Variants in LRRC56 observed in about 807,000 individuals in gnomAD.
LRRC56 encodes the protein leucine-rich repeat-containing protein 56.
In LRRC56, 41 loss-of-function variants were observed where a neutral mutation model predicts 47.8. That is an observed-to-expected ratio of 0.86 (90% CI 0.67 to 1.11). The LOEUF (loss-of-function observed/expected upper bound fraction) is 1.11. Ranked by LOEUF, LRRC56 falls within the 50% of genes most tolerant of loss-of-function variation. LRRC56 has a pLI of 0.00. For synonymous variants in LRRC56, 387 were observed against 311.2 expected, an observed-to-expected ratio of 1.24 and a Z score of -2.56; for missense variants, 759 against 704.2, an observed-to-expected ratio of 1.08 and a Z score of -0.88.
At chr11:535,788 G>C (rs564168915), upstream of LRRC56, among the ~76,000 whole-genome samples, 1 of 152,210 alleles carries the variant, frequency 6.6e-6, no homozygotes, top group South Asian at 2.1e-4. Flanking sequence ...CCGAGCTCGG[G>C]GTTGCTCGAG....
At chr11:548,407 A>T (rs1852198130) in intron 6 of LRRC56, among the ~76,000 whole-genome samples, 1 of 152,126 alleles carries the variant, frequency 6.6e-6, no homozygotes, top group Non-Finnish European at 1.5e-5. Context: ...CAGCCTCCTG[A>T]AGTGCCAGGA....
chr11:528,749 A>T, the LRRC56 span: 3 of 152,308 alleles, frequency 2.0e-5, no homozygotes, highest in African/African-American at 7.2e-5. Flanking sequence ...ACACACGCAC[A>T]CGTTCACCCA....
the LRRC56 span, among the ~76,000 whole-genome samples, chr11:520,522 T>A: frequency 2.0e-5 from 3 of 152,268 alleles, no homozygotes; most frequent in South Asian, 6.2e-4. Flanking sequence ...TTTCATCATG[T>A]TGGCCAGGCT....
chr11:545,872 G>C (rs1852049303), intron 6 of LRRC56, among the ~76,000 whole-genome samples: 1 of 152,222 alleles, frequency 6.6e-6, no homozygotes, highest in South Asian at 2.1e-4. Flanking sequence ...TGGGCTCCAA[G>C]GGCCACATCT....
rs1851783641 is a variant in LRRC56 at position 541,381 on chromosome 11, C to T, written c.178-156C>T. ...AAGCTCTGCTCCTGTCACATCCACT[C>T]CCATCCCACCACCCAGGCCAGGGCC... is the stretch of plus-strand genomic sequence containing the variant. On this transcript the variant is annotated intron_variant, in intron 4 of 13. Coordinates refer to ENST00000270115, the MANE Select transcript of LRRC56 (RefSeq NM_198075.4). The surrounding 1 kb of genome is among the most constrained non-coding windows in gnomAD (Gnocchi z 4.1). Among the ~76,000 whole-genome samples, 1 of 152,186 alleles carries T rather than the reference C, an allele frequency of 6.6e-6. No individual in the cohort carries two copies. Among genetic ancestry groups the T allele is most frequent in the Non-Finnish European group, 1.5e-5 (1 of 68,026 alleles).
chr11:532,511 C>T, the LRRC56 span: 1 of 1,339,932 alleles, frequency 7.5e-7, no homozygotes, highest in Non-Finnish European at 1.0e-6. Context: ...ACCTCCATGT[C>T]CTGAGCTTGT....
At chr11:531,184 GTTCGCTGGAGAGAAGGGCGAGTGTGGTA>G in the LRRC56 span, among the ~76,000 whole-genome samples, 4 of 150,630 alleles carry the variant, frequency 2.7e-5, no homozygotes, top group Admixed American at 2.0e-4. Flanking sequence ...CGAGTGTGGT[GTTCGCTGGAGAGAAGGGCGAGTGTGGTA>G]TTCCCTGGAC....
At chr11:517,284 G>C in the LRRC56 span, among the ~76,000 whole-genome samples, 1 of 151,990 alleles carries the variant, frequency 6.6e-6, no homozygotes, top group East Asian at 1.9e-4. Flanking sequence ...TCTGGGAGGT[G>C]AGGAGCATCT....
Position 540,670 on chromosome 11 carries a change from G to T in LRRC56, c.-11-4G>T, listed in dbSNP as rs774904899. On this transcript the variant is annotated splice_polypyrimidine_tract_variant and splice_region_variant and intron_variant, in intron 3 of 13. Coordinates refer to ENST00000270115, the MANE Select transcript of LRRC56 (RefSeq NM_198075.4). The stretch of plus-strand genomic sequence containing the variant: ...GGAGCTTTGCACTGTGCCTCTGTCA[G>T]CAGGTGACATGTGAATGGATCTGGG... 6.2e-7 allele frequency: 1 copy of T among 1,610,702 alleles called. No homozygotes were observed. The highest frequency in any genetic ancestry group is 8.5e-7 in the Non-Finnish European group (1 of 1,178,852).
the LRRC56 span, chr11:528,671 G>T: frequency 1.3e-5 from 2 of 152,212 alleles, no homozygotes; most frequent in African/African-American, 4.8e-5. Context: ...TCGAGCCACG[G>T]GGGTGACAGT....
chr11:515,149 A>G, the LRRC56 span, among the ~76,000 whole-genome samples: 1 of 152,062 alleles, frequency 6.6e-6, no homozygotes, highest in Non-Finnish European at 1.5e-5. Context: ...GTGGGTGCAC[A>G]TGTGGGGAGG....
chr11:511,943 G>T, the LRRC56 span, among the ~76,000 whole-genome samples: 1 of 151,972 alleles, frequency 6.6e-6, no homozygotes, highest in Non-Finnish European at 1.5e-5. Context: ...GAGGTTAGGA[G>T]GCGAATTTTT....
chr11:525,299 G>A, the LRRC56 span, among the ~76,000 whole-genome samples: 33 of 151,662 alleles, frequency 2.2e-4, no homozygotes, highest in East Asian at 3.9e-3. Context: ...CAGCACTTTG[G>A]GAGGCCAAGG....
intron 6 of LRRC56, among the ~76,000 whole-genome samples, chr11:546,763 T>C (rs1220810758): frequency 6.6e-6 from 1 of 150,806 alleles, no homozygotes; most frequent in Admixed American, 6.6e-5. Context: ...CTTAGAAACA[T>C]GTCTCCCAGC....
At position 540,744 on chromosome 11, in the gene LRRC56, G is replaced by A; in HGVS notation, c.60G>A (p.Val20=). ...GPRRSTSSVR[V]RELSWQGLHN... ...GGCGGAGCACCTCCAGCGTCCGGGT[G>A]CGGGAGCTGAGCTGGCAAGGCCTGC... The change falls in exon 4 of 14, where the codon GTG becomes GTA. Residue 20 remains valine, a synonymous_variant. Transcript: ENST00000270115. The A allele has an allele frequency of 6.2e-7, 1 of 1,612,200 alleles. No individual in the cohort carries two copies. Among genetic ancestry groups the A allele is most frequent in the South Asian group, 1.1e-5 (1 of 90,790 alleles).
upstream of LRRC56, chr11:532,809 G>C: frequency 6.4e-7 from 1 of 1,566,092 alleles, no homozygotes; most frequent in Admixed American, 1.7e-5. Context: ...GCCTGCCTGG[G>C]TGAGGGGCTC....
intron 6 of LRRC56, among the ~76,000 whole-genome samples, chr11:547,314 T>C (rs1333389781): frequency 7.5e-6 from 1 of 133,940 alleles, no homozygotes; most frequent in Admixed American, 7.4e-5. Flanking sequence ...GAGATGGCTG[T>C]ACTTTTTTTT....
the LRRC56 span, among the ~76,000 whole-genome samples, chr11:525,539 C>A: frequency 6.8e-6 from 1 of 147,458 alleles, no homozygotes; most frequent in African/African-American, 2.6e-5. Context: ...CAGAGTGAGA[C>A]CCTGTCTCAA....
chr11:541,489 A>C lies in LRRC56; in HGVS notation c.178-48A>C. 8.8e-7 allele frequency: 1 copy of C among 1,140,538 alleles called. No homozygotes were observed. The highest frequency in any genetic ancestry group is 1.2e-6 in the Non-Finnish European group (1 of 809,682). The allele number at this position is 1,140,538 out of a possible 1,614,324, so 70.7% of individuals were successfully genotyped here. On this transcript the variant is annotated intron_variant, in intron 4 of 13. Transcript: ENST00000270115. This position sits in a 1 kb window ranked among gnomAD's most constrained non-coding sequence, Gnocchi z 4.1. ...GTAGCCAGAAGCAAGGATGGAACTA[A>C]AGTGGGGAGAGCCAGGACCAGCGCT...
Sources: gnomAD v4.1 joint callset for allele counts (sites outside exome capture counted in the v4.1 genomes callset) on GRCh38, gnomAD v4.1.1 for gene constraint, Gnocchi (gnomAD v3.1) non-coding constraint, MANE v1.5 for transcripts, NCBI Gene and HGNC (gene_info 2026-07-23, HGNC 2026-07-21) for gene names.